The following EBF3 variants were observed in gnomAD, a reference collection of about 807,000 sequenced individuals.
EBF3 encodes the protein EBF transcription factor 3.
A neutral mutation model predicts 77.1 loss-of-function variants in EBF3; 18 were observed. That is an observed-to-expected ratio of 0.23 (90% CI 0.16 to 0.35). The LOEUF (loss-of-function observed/expected upper bound fraction) is 0.35. Ranked by LOEUF, EBF3 falls within the 10% of genes least tolerant of loss-of-function variation. The probability of loss-of-function intolerance (pLI) is 1.00; values close to 1 mark genes in which losing one functional copy is unlikely to be tolerated. For missense variants in EBF3, 558 were observed against 860.0 expected, an observed-to-expected ratio of 0.65 and a Z score of 4.39; for synonymous variants, 350 against 343.5, an observed-to-expected ratio of 1.02 and a Z score of -0.21.
In EBF3 at chr10:129,944,285, C is replaced by G. The variant is rs1017488880; in HGVS notation, c.554+12973G>C. Among the ~76,000 whole-genome samples the G allele has an allele frequency of 2.6e-5, 4 of 152,154 alleles. No homozygotes were observed. Among genetic ancestry groups the G allele is most frequent in the African/African-American group, 7.2e-5 (3 of 41,428 alleles). On this transcript the variant is annotated intron_variant, in intron 6 of 16. Coordinates refer to ENST00000440978, the MANE Select transcript of EBF3 (RefSeq NM_001375380.1). This position sits in a 1 kb window ranked among gnomAD's most constrained non-coding sequence, Gnocchi z 5.1. ...TTCAGATTGGTCAATGAGGGGAACA[C>G]CAGAGTGCACTGCCTTCAGAATATT...
intron 6 of EBF3, among the ~76,000 whole-genome samples, chr10:129,898,329 T>C (rs950876081): frequency 2.0e-5 from 3 of 152,000 alleles, no homozygotes; most frequent in Admixed American, 2.0e-4. Context: ...GTTTACGGGG[T>C]TCACCCATGG....
intron 6 of EBF3, among the ~76,000 whole-genome samples, chr10:129,901,947 A>C (rs1413390641): frequency 6.6e-6 from 1 of 152,204 alleles, no homozygotes; most frequent in Non-Finnish European, 1.5e-5. Context: ...CAGCTAACGA[A>C]CATTCCCAAA....
intron 10 of EBF3, among the ~76,000 whole-genome samples, chr10:129,852,987 C>G (rs572518136): frequency 6.6e-6 from 1 of 152,284 alleles, no homozygotes; most frequent in East Asian, 1.9e-4. Context: ...CCTGGAGGCT[C>G]CCTGCCTGCA....
At chr10:129,872,056 T>G (rs901671570) in intron 8 of EBF3, among the ~76,000 whole-genome samples, 1 of 152,210 alleles carries the variant, frequency 6.6e-6, no homozygotes, top group Non-Finnish European at 1.5e-5. Context: ...CTTACAAAAA[T>G]AAATACTTGT....
Position 129,928,588 on chromosome 10 carries a change from C to T in EBF3, c.554+28670G>A, listed in dbSNP as rs559161369. Among the ~76,000 whole-genome samples the T allele has an allele frequency of 4.6e-5, 7 of 152,318 alleles. No individual in the cohort carries two copies. The East Asian group carries it at 9.7e-4, about 21-fold the overall frequency. On this transcript the variant is annotated intron_variant, in intron 6 of 16. Transcript: ENST00000440978. ...GCAGTCTTCATTCATAAATTATCTG[C>T]ATTTCTAGGTGCTTAGGAGATATTC...
chr10:129,915,300 A>G (rs555078494), intron 6 of EBF3, among the ~76,000 whole-genome samples: 1 of 152,292 alleles, frequency 6.6e-6, no homozygotes, highest in East Asian at 1.9e-4. Flanking sequence ...GGACCCCCCA[A>G]AGGATGGCTG....
intron 6 of EBF3, among the ~76,000 whole-genome samples, chr10:129,894,483 G>T (rs1246131871): frequency 6.6e-6 from 1 of 152,118 alleles, no homozygotes. Context: ...CCAGGGGAGA[G>T]GCCCCCTGCA....
At position 129,938,357 on chromosome 10, in the gene EBF3, T is replaced by A. The variant is rs1349101891; in HGVS notation, c.554+18901A>T. 7.0e-6 allele frequency among the ~76,000 whole-genome samples: 1 copy of A among 142,280 alleles called. No homozygotes were observed. The highest frequency in any genetic ancestry group is 1.5e-5 in the Non-Finnish European group (1 of 66,012). 93.3% of individuals were successfully genotyped at this position (142,280 alleles called of 152,430 possible). A position where few individuals can be genotyped will look rare whatever the true frequency, so the allele number is the denominator to read the frequency against. On this transcript the variant is annotated intron_variant, in intron 6 of 16. Transcript: ENST00000440978. This position sits in a 1 kb window ranked among gnomAD's most constrained non-coding sequence, Gnocchi z 5.1. ...GAGTTCAACACCAGCCTGGGCAACA[T>A]GGCAAAACCCCATCTCTATTTAAAA...
At chr10:129,910,741 C>T (rs1350449946) in intron 6 of EBF3, among the ~76,000 whole-genome samples, 1 of 152,092 alleles carries the variant, frequency 6.6e-6, no homozygotes, top group Non-Finnish European at 1.5e-5. Flanking sequence ...CACAGACCTT[C>T]AGCACGCTCT....
chr10:129,878,572 G>A (rs1228702344), intron 6 of EBF3, among the ~76,000 whole-genome samples: 1 of 150,952 alleles, frequency 6.6e-6, no homozygotes, highest in African/African-American at 2.4e-5. Flanking sequence ...GGGAGGCTGA[G>A]GCAGGAGAAT....
intron 15 of EBF3, among the ~76,000 whole-genome samples, chr10:129,840,017 G>T (rs1849902316): frequency 6.6e-6 from 1 of 152,248 alleles, no homozygotes. Flanking sequence ...CCGTCGGAAG[G>T]GTGAGCTGGA....
intron 6 of EBF3, among the ~76,000 whole-genome samples, chr10:129,899,117 T>G (rs1854605496): frequency 6.6e-6 from 1 of 152,206 alleles, no homozygotes. Flanking sequence ...ATCAGCAGAG[T>G]GTCAGAAATC....
chr10:129,905,003 G>C (rs1026667072), intron 6 of EBF3, among the ~76,000 whole-genome samples: 1 of 152,270 alleles, frequency 6.6e-6, no homozygotes. Flanking sequence ...CCATGTCCAT[G>C]AGATAACCAG....
chr10:129,925,750 A>T (rs913406106), intron 6 of EBF3, among the ~76,000 whole-genome samples: 3 of 152,162 alleles, frequency 2.0e-5, no homozygotes, highest in Non-Finnish European at 4.4e-5. Flanking sequence ...TGGAAAAAAA[A>T]ATAAAAACAA....
chr10:129,933,063 C>G (rs774627742), intron 6 of EBF3, among the ~76,000 whole-genome samples: 1 of 152,096 alleles, frequency 6.6e-6, no homozygotes, highest in African/African-American at 2.4e-5. Context: ...AGAGAAAGTG[C>G]GGGCGGCAGT....
intron 6 of EBF3, among the ~76,000 whole-genome samples, chr10:129,949,314 CAGAAA>C (rs1037024767): frequency 7.2e-5 from 11 of 152,138 alleles, no homozygotes; most frequent in African/African-American, 1.2e-4. Context: ...AAAACACACA[CAGAAA>C]AGAAAAGAAA....
In EBF3 at chr10:129,839,203, A is replaced by G. The variant is rs1849827753; in HGVS notation, c.1760-8T>C. The G allele has an allele frequency of 8.2e-7, 1 of 1,214,704 alleles. No homozygotes were observed. Among genetic ancestry groups the G allele is most frequent in the African/African-American group, 1.6e-5 (1 of 64,038 alleles). 75.2% of individuals were successfully genotyped at this position (1,214,704 alleles called of 1,614,324 possible). ...CAGCACCCAGCAGAGAGCCTGGTAC[A>G]TAGTAGGTGCTCAGTAAATACTGGT... is the stretch of plus-strand genomic sequence containing the variant. On this transcript the variant is annotated splice_polypyrimidine_tract_variant and splice_region_variant and intron_variant, in intron 15 of 16. Transcript: ENST00000440978.
At chr10:129,868,054 G>T in intron 8 of EBF3, 142 bp from the exon 9 acceptor site, 1 of 1,140,396 alleles carries the variant, frequency 8.8e-7, no homozygotes, top group South Asian at 1.5e-5. Context: ...GGCAACCGTA[G>T]ATCAGCATGT....
rs536825547 is a variant in EBF3, at chr10:129,938,973, T to A, written c.554+18285A>T. On this transcript the variant is annotated intron_variant, in intron 6 of 16. Transcript: ENST00000440978. This position sits in a 1 kb window ranked among gnomAD's most constrained non-coding sequence, Gnocchi z 5.1. ...AACAGCTCCTAGAACCTCTGACCTGTCCCAAACAAATAAATGAGGGCTCTT... is the reference window on the plus strand; with the variant it reads ...AACAGCTCCTAGAACCTCTGACCTGACCCAAACAAATAAATGAGGGCTCTT... Among the ~76,000 whole-genome samples, 6 of 152,268 alleles carry A rather than the reference T, an allele frequency of 3.9e-5. No individual in the cohort carries two copies. The South Asian group carries it at 1.2e-3, about 32-fold the overall frequency.
Sources: gnomAD v4.1 joint callset for allele counts (sites outside exome capture counted in the v4.1 genomes callset) on GRCh38, gnomAD v4.1.1 for gene constraint, Gnocchi (gnomAD v3.1) non-coding constraint, MANE v1.5 for transcripts, NCBI Gene and HGNC (gene_info 2026-07-23, HGNC 2026-07-21) for gene names.